Variants in ST6GALNAC3 observed in about 807,000 individuals in gnomAD.
The protein encoded by ST6GALNAC3 is alpha-N-acetylgalactosaminide alpha-2,6-sialyltransferase 3.
In ST6GALNAC3, 25 loss-of-function variants were observed where a neutral mutation model predicts 32.7. That is an observed-to-expected ratio of 0.76 (90% CI 0.56 to 1.07). ST6GALNAC3 has a LOEUF of 1.07. Among genes scored for constraint, ST6GALNAC3 ranks in the 50% least tolerant of loss-of-function variants. ST6GALNAC3 has a pLI of 0.00. For synonymous variants in ST6GALNAC3, 129 were observed against 133.1 expected (o/e 0.97, Z 0.21); for missense variants, 355 against 382.4 (o/e 0.93, Z 0.60).
chr1:76,409,171 C>T (rs901139669), intron 2 of ST6GALNAC3, among the ~76,000 whole-genome samples: 2 of 152,110 alleles, frequency 1.3e-5, no homozygotes. Context: ...ATAAAACTCT[C>T]TTTTCCAAGT....
chr1:76,537,488 T>C (rs1175997841), intron 3 of ST6GALNAC3, among the ~76,000 whole-genome samples: 1 of 151,954 alleles, frequency 6.6e-6, no homozygotes, highest in Non-Finnish European at 1.5e-5. Context: ...TTGAATGAGA[T>C]AGAGACATGA....
chr1:76,611,699 T>G (rs1342785381), intron 3 of ST6GALNAC3, among the ~76,000 whole-genome samples: 1 of 152,136 alleles, frequency 6.6e-6, no homozygotes, highest in Non-Finnish European at 1.5e-5. Flanking sequence ...CAGCAAAAAA[T>G]AATAATAATC....
intron 3 of ST6GALNAC3, among the ~76,000 whole-genome samples, chr1:76,419,929 G>GTTCT (rs1384113385): frequency 6.9e-6 from 1 of 145,200 alleles, no homozygotes; most frequent in Non-Finnish European, 1.5e-5. Flanking sequence ...GTTCTTGTTT[G>GTTCT]TTCTTTCTTT....
chr1:76,414,174 C>A (rs930416582), intron 3 of ST6GALNAC3, among the ~76,000 whole-genome samples: 2 of 151,910 alleles, frequency 1.3e-5, no homozygotes, highest in Non-Finnish European at 2.9e-5. Context: ...AAAGCTGTAT[C>A]GTAGGAAAAT....
At chr1:76,333,649 C>T (rs1038260294) in intron 2 of ST6GALNAC3, among the ~76,000 whole-genome samples, 12 of 152,166 alleles carry the variant, frequency 7.9e-5, no homozygotes, top group Non-Finnish European at 1.8e-4. Context: ...TTCAGTGAAT[C>T]TGGCTGTCCT....
chr1:76,141,263 A>G (rs172334), intron 1 of ST6GALNAC3, among the ~76,000 whole-genome samples: 26,054 of 152,150 alleles, frequency 0.17, 2,291 homozygotes, highest in African/African-American at 0.18. Flanking sequence ...TCTTAGAACT[A>G]TCTCCATTTC....
At position 76,382,255 on chromosome 1, in the gene ST6GALNAC3, C is replaced by T. The variant is rs116538412; in HGVS notation, c.214-29753C>T. 4.1e-3 allele frequency among the ~76,000 whole-genome samples: 631 copies of T among 152,092 alleles called. 2 individuals carry two copies. Among genetic ancestry groups the T allele is most frequent in the Non-Finnish European group, 6.4e-3 (438 of 67,988 alleles). The stretch of plus-strand genomic sequence containing the variant: ...TTACCAGGCATGTCAGGAAATATAA[C>T]CAAATAAATGAATTTCTTAGTGAAA... On this transcript the variant is annotated intron_variant, in intron 2 of 4. Coordinates refer to ENST00000328299, the MANE Select transcript of ST6GALNAC3 (RefSeq NM_152996.4).
chr1:76,233,074 A>G (rs955235957), intron 1 of ST6GALNAC3, among the ~76,000 whole-genome samples: 4 of 152,340 alleles, frequency 2.6e-5, no homozygotes, highest in African/African-American at 9.6e-5. Flanking sequence ...CTGGAAGAGA[A>G]TCTATTAAAT....
At chr1:76,590,075 G>A (rs1018130267) in intron 3 of ST6GALNAC3, among the ~76,000 whole-genome samples, 1 of 152,132 alleles carries the variant, frequency 6.6e-6, no homozygotes, top group African/African-American at 2.4e-5. Context: ...AAGTGGCCTT[G>A]AAAATGTGCT....
At chr1:76,272,436 C>T (rs940296273) in intron 1 of ST6GALNAC3, among the ~76,000 whole-genome samples, 1 of 151,772 alleles carries the variant, frequency 6.6e-6, no homozygotes, top group Non-Finnish European at 1.5e-5. Flanking sequence ...ATTCTTTTTA[C>T]AGATGAGAGA....
chr1:76,569,337 G>A (rs1299646441), intron 3 of ST6GALNAC3, among the ~76,000 whole-genome samples: 1 of 146,992 alleles, frequency 6.8e-6, no homozygotes, highest in East Asian at 2.0e-4. Context: ...TTTCAGCTTG[G>A]CAAAAATGAA....
intron 3 of ST6GALNAC3, among the ~76,000 whole-genome samples, chr1:76,425,620 G>A (rs1172190395): frequency 1.3e-5 from 2 of 151,968 alleles, no homozygotes; most frequent in Non-Finnish European, 2.9e-5. Flanking sequence ...CAAGTTCTTT[G>A]CATCTGGTCT....
rs1055409817 is a variant in ST6GALNAC3, at chr1:76,458,896, TA to T, written c.623+46489del. Among the ~76,000 whole-genome samples the T allele has an allele frequency of 2.5e-4, 36 of 143,810 alleles. 1 individual carries two copies. The highest frequency in any genetic ancestry group is 2.0e-3 in the South Asian group (9 of 4,496). 94.3% of individuals were successfully genotyped at this position (143,810 alleles called of 152,430 possible). On this transcript the variant is annotated intron_variant, in intron 3 of 4. Coordinates refer to ENST00000328299, the MANE Select transcript of ST6GALNAC3 (RefSeq NM_152996.4). ...ACTTAAAGTATAACAATAATAAATT[TA>T]AAAAAAAAAGAAAAAAGGAAAAATA...
At chr1:76,183,447 A>G (rs933848973) in intron 1 of ST6GALNAC3, among the ~76,000 whole-genome samples, 9 of 152,114 alleles carry the variant, frequency 5.9e-5, no homozygotes, top group Non-Finnish European at 2.9e-5. Context: ...TATATATGTT[A>G]TTGAAACATA....
chr1:76,608,598 TGTG>T (rs1273611907), intron 3 of ST6GALNAC3, among the ~76,000 whole-genome samples: 5 of 10,974 alleles, frequency 4.6e-4, no homozygotes, highest in East Asian at 1.7e-3. Context: ...GAGCTGGAAA[TGTG>T]TGTGTGTGTG....
At chr1:76,439,958 A>T (rs1048627434) in intron 3 of ST6GALNAC3, among the ~76,000 whole-genome samples, 15 of 152,112 alleles carry the variant, frequency 9.9e-5, no homozygotes, top group Non-Finnish European at 1.8e-4. Flanking sequence ...TGTAGTAAAG[A>T]TTAAATTAGT....
chr1:76,310,090 C>T (rs1445532371), intron 1 of ST6GALNAC3: 7 of 424,430 alleles, frequency 1.6e-5, no homozygotes, highest in South Asian at 3.4e-5. Flanking sequence ...ACCAGAGAGC[C>T]GTGCTGAGCT....
At position 76,530,304 on chromosome 1, in the gene ST6GALNAC3, T is replaced by C. The variant is rs536339997; in HGVS notation, c.624-97148T>C. Among the ~76,000 whole-genome samples the C allele has an allele frequency of 1.4e-4, 22 of 152,278 alleles. No individual in the cohort carries two copies. In the South Asian group the frequency reaches 3.9e-3, roughly 27 times the overall value. On this transcript the variant is annotated intron_variant, in intron 3 of 4. Coordinates refer to ENST00000328299, the MANE Select transcript of ST6GALNAC3 (RefSeq NM_152996.4). Reference sequence around the variant, plus strand: ...TGATTAATCGTAGTACTTCTTAACCTAAGGCAAACATGTAAACCAGCAGGG... The same window carrying C: ...TGATTAATCGTAGTACTTCTTAACCCAAGGCAAACATGTAAACCAGCAGGG...
At chr1:76,112,184 G>A (rs1270548393) in intron 1 of ST6GALNAC3, among the ~76,000 whole-genome samples, 1 of 141,126 alleles carries the variant, frequency 7.1e-6, no homozygotes, top group Non-Finnish European at 1.5e-5. Context: ...CTTCCCAGTA[G>A]GGGCGGCCGG....
Sources: gnomAD v4.1 joint callset for allele counts (sites outside exome capture counted in the v4.1 genomes callset) on GRCh38, gnomAD v4.1.1 for gene constraint, MANE v1.5 for transcripts, NCBI Gene and HGNC (gene_info 2026-07-23, HGNC 2026-07-21) for gene names.